VEZT: variants seen among roughly 807,000 people sequenced by gnomAD.
The protein encoded by VEZT is vezatin.
VEZT carries 39 observed loss-of-function variants against 79.9 expected under a neutral mutation model. That is an observed-to-expected ratio of 0.49 (90% CI 0.38 to 0.64). VEZT has a LOEUF of 0.64. Among genes scored for constraint, VEZT ranks in the 30% least tolerant of loss-of-function variants. The pLI is 0.00. For missense variants in VEZT, 837 were observed against 893.1 expected (o/e 0.94, Z 0.80); for synonymous variants, 325 against 327.6 (o/e 0.99, Z 0.09).
intron 7 of VEZT, among the ~76,000 whole-genome samples, chr12:95,279,218 T>C (rs1274007128): frequency 6.6e-6 from 1 of 152,240 alleles, no homozygotes; most frequent in Non-Finnish European, 1.5e-5. Flanking sequence ...AATTTGAAAT[T>C]TGAAATGTTC....
At chr12:95,238,899 T>G (rs2060525808) in intron 1 of VEZT, among the ~76,000 whole-genome samples, 1 of 152,192 alleles carries the variant, frequency 6.6e-6, no homozygotes, top group South Asian at 2.1e-4. Flanking sequence ...TCATGATAGA[T>G]TCATAGAATT....
chr12:95,289,505 G>A (rs1156700621), intron 9 of VEZT, among the ~76,000 whole-genome samples: 1 of 149,558 alleles, frequency 6.7e-6, no homozygotes, highest in African/African-American at 2.5e-5. Context: ...TTAGTCTATC[G>A]CTTATCCACT....
At chr12:95,259,663 C>A (rs2064046969) in intron 3 of VEZT, among the ~76,000 whole-genome samples, 1 of 152,180 alleles carries the variant, frequency 6.6e-6, no homozygotes. Context: ...ATAGAGCCTC[C>A]AGCCATGCAG....
intron 1 of VEZT, among the ~76,000 whole-genome samples, chr12:95,234,810 C>T (rs1323153813): frequency 2.0e-5 from 3 of 152,104 alleles, no homozygotes; most frequent in Non-Finnish European, 4.4e-5. Context: ...TGCGGCCTTC[C>T]GCAGTGTTTG....
At chr12:95,293,167 A>G (rs1203572181) in intron 9 of VEZT, among the ~76,000 whole-genome samples, 1 of 152,120 alleles carries the variant, frequency 6.6e-6, no homozygotes, top group Non-Finnish European at 1.5e-5. Context: ...TATAATTTAA[A>G]CTAGAAAGCA....
rs2075194752 is a variant in VEZT, at chr12:95,301,358, G to T, written c.*685G>T. The T allele has an allele frequency of 6.6e-6, 1 of 152,076 alleles. No homozygotes were observed. The highest frequency in any genetic ancestry group is 2.1e-4 in the South Asian group (1 of 4,814). 9.4% of individuals were successfully genotyped at this position (152,076 alleles called of 1,614,324 possible). A position where few individuals can be genotyped will look rare whatever the true frequency, so the allele number is the denominator to read the frequency against. On this transcript the variant is annotated 3_prime_UTR_variant, in exon 12 of 12. Coordinates refer to ENST00000436874, the MANE Select transcript of VEZT (RefSeq NM_017599.4). ...TTCACCTTTCTTTTTGCAATTGAAA[G>T]TGATGATGTCAAAGTGGGATTTCTG...
At chr12:95,254,990 C>T (rs1429844384) in intron 2 of VEZT, among the ~76,000 whole-genome samples, 1 of 152,068 alleles carries the variant, frequency 6.6e-6, no homozygotes, top group African/African-American at 2.4e-5. Context: ...GCAGGCTTCT[C>T]GTTGGCTTGA....
At chr12:95,258,770 G>A (rs1446680592) in intron 3 of VEZT, among the ~76,000 whole-genome samples, 3 of 152,116 alleles carry the variant, frequency 2.0e-5, no homozygotes, top group East Asian at 3.8e-4. Context: ...GCTTTCACAC[G>A]TGTTATCTTA....
At chr12:95,239,982 G>GAGAGA (rs1555246324) in intron 1 of VEZT, among the ~76,000 whole-genome samples, 1 of 131,658 alleles carries the variant, frequency 7.6e-6, no homozygotes, top group Admixed American at 7.7e-5. Flanking sequence ...GAGAGAGAGA[G>GAGAGA]GAGAGAGAGA....
chr12:95,274,740 A>G lies in VEZT; in HGVS notation c.849-2A>G. Reference sequence around the variant, plus strand: ...TTGTTGATTGCCTTAACCTAATTTAACCTACCCCCTGAACTCTGAGAGTGA... The same window carrying G: ...TTGTTGATTGCCTTAACCTAATTTAGCCTACCCCCTGAACTCTGAGAGTGA... On this transcript the variant is annotated splice_acceptor_variant, in intron 6 of 11. Transcript: ENST00000436874. LOFTEE classifies it high-confidence loss of function. 2 of 1,608,762 alleles carry G rather than the reference A, an allele frequency of 1.2e-6. No individual in the cohort carries two copies. Among genetic ancestry groups the G allele is most frequent in the Non-Finnish European group, 1.7e-6 (2 of 1,178,228 alleles).
chr12:95,296,148 G>T lies in VEZT; in HGVS notation c.1721G>T (p.Arg574Leu). Reference protein sequence around the residue: ...LSQEDKERQKREHEESKRVLQ... With the variant: ...LSQEDKERQKLEHEESKRVLQ... Reference sequence around the variant, plus strand: ...CAAGAAGACAAAGAGAGACAGAAGCGTGAGCATGAAGAATCCAAGAGGGTG... The same window carrying T: ...CAAGAAGACAAAGAGAGACAGAAGCTTGAGCATGAAGAATCCAAGAGGGTG... The change falls in exon 11 of 12, where the codon CGT becomes CTT. Residue 574 changes from arginine to leucine, a missense_variant. Physicochemically the swap from Arg to Leu is moderately radical, Grantham distance 102. Coordinates refer to ENST00000436874, the MANE Select transcript of VEZT (RefSeq NM_017599.4). 1.3e-6 allele frequency: 2 copies of T among 1,571,882 alleles called. No homozygotes were observed. Among genetic ancestry groups the T allele is most frequent in the East Asian group, 2.3e-5 (1 of 43,366 alleles).
intron 7 of VEZT, among the ~76,000 whole-genome samples, chr12:95,281,261 T>A (rs1555283678): frequency 1.3e-5 from 2 of 152,038 alleles, no homozygotes; most frequent in East Asian, 1.9e-4. Flanking sequence ...GACTGCATTT[T>A]AAAAAAAAGA....
At chr12:95,233,593 G>C (rs1469079764) in intron 1 of VEZT, among the ~76,000 whole-genome samples, 2 of 152,020 alleles carry the variant, frequency 1.3e-5, no homozygotes. Flanking sequence ...GTACACACAA[G>C]GTTTCACCAT....
chr12:95,235,526 C>T (rs1467378291), intron 1 of VEZT, among the ~76,000 whole-genome samples: 1 of 142,108 alleles, frequency 7.0e-6, no homozygotes, highest in East Asian at 2.2e-4. Flanking sequence ...GACGGGGCAG[C>T]TGGCCGGGCG....
At chr12:95,275,713 G>A (rs1436429857) in intron 7 of VEZT, 4 of 151,342 alleles carry the variant, frequency 2.6e-5, no homozygotes, top group Non-Finnish European at 4.4e-5. Context: ...AAGTGTCTAA[G>A]ATCTATAGAA....
chr12:95,282,274 A>G (rs746083295), intron 7 of VEZT, 39 bp from the exon 8 acceptor site: 29 of 1,467,248 alleles, frequency 2.0e-5, no homozygotes, highest in Non-Finnish European at 2.6e-5. Flanking sequence ...ACTGACCAAT[A>G]TTTTTATTGA....
intron 9 of VEZT, among the ~76,000 whole-genome samples, chr12:95,293,032 G>A (rs1382023986): frequency 1.3e-5 from 2 of 150,814 alleles, no homozygotes; most frequent in Non-Finnish European, 2.9e-5. Flanking sequence ...TCTATTTTTA[G>A]TAGAGATGGG....
At chr12:95,256,144 C>T (rs549898430) in intron 2 of VEZT, among the ~76,000 whole-genome samples, 1 of 152,210 alleles carries the variant, frequency 6.6e-6, no homozygotes, top group African/African-American at 2.4e-5. Context: ...CTCTGCCTCC[C>T]GGGTTCAAGT....
intron 2 of VEZT, among the ~76,000 whole-genome samples, chr12:95,255,985 C>T (rs933291865): frequency 1.3e-5 from 2 of 152,058 alleles, no homozygotes; most frequent in African/African-American, 2.4e-5. Context: ...TCCTGGAGTG[C>T]GCCACCATCC....
Sources: gnomAD v4.1 joint callset for allele counts (sites outside exome capture counted in the v4.1 genomes callset) on GRCh38, gnomAD v4.1.1 for gene constraint, MANE v1.5 for transcripts, NCBI Gene and HGNC (gene_info 2026-07-23, HGNC 2026-07-21) for gene names.